Variants in ATP2B2 observed in about 807,000 individuals in gnomAD.
The protein encoded by ATP2B2 is plasma membrane calcium-transporting ATPase 2.
ATP2B2 carries 15 observed loss-of-function variants against 120.0 expected under a neutral mutation model. That is an observed-to-expected ratio of 0.12 (90% confidence interval 0.08 to 0.19). ATP2B2 has a LOEUF of 0.19. Ranked by LOEUF, ATP2B2 falls within the 10% of genes least tolerant of loss-of-function variation. The pLI is 1.00. For synonymous variants in ATP2B2, 694 were observed against 700.3 expected (o/e 0.99, Z 0.14); for missense variants, 1,045 against 1,719.8 (o/e 0.61, Z 6.94).
intron 2 of ATP2B2, among the ~76,000 whole-genome samples, chr3:10,554,157 T>G (rs949634663): frequency 6.6e-6 from 1 of 152,140 alleles, no homozygotes; most frequent in East Asian, 1.9e-4. Flanking sequence ...CTTGACCCTT[T>G]GTAACCCACC....
At position 10,329,224 on chromosome 3, in the gene ATP2B2, G is replaced by A; in HGVS notation, c.3421-99C>T. The A allele has an allele frequency of 8.4e-7, 1 of 1,196,704 alleles. No homozygotes were observed. The highest frequency in any genetic ancestry group is 1.2e-6 in the Non-Finnish European group (1 of 816,964). 74.1% of individuals were successfully genotyped at this position (1,196,704 alleles called of 1,614,324 possible). A position where few individuals can be genotyped will look rare whatever the true frequency, so the allele number is the denominator to read the frequency against. On this transcript the variant is annotated intron_variant, in intron 22 of 22. Transcript: ENST00000360273. The surrounding 1 kb of genome is among the most constrained non-coding windows in gnomAD (Gnocchi z 5.9). The stretch of plus-strand genomic sequence containing the variant: ...CGGGTGGGAGAAGGGTTAGGGCAAA[G>A]CAGGTGGCTGGAATCCATAGTCGCT...
intron 1 of ATP2B2, among the ~76,000 whole-genome samples, chr3:10,639,766 T>G (rs1317325746): frequency 6.6e-6 from 1 of 152,082 alleles, no homozygotes; most frequent in Non-Finnish European, 1.5e-5. Context: ...GGCAGAGGCC[T>G]CAAATCAGAA....
At chr3:10,452,198 C>T (rs957890209) in intron 1 of ATP2B2, among the ~76,000 whole-genome samples, 6 of 152,236 alleles carry the variant, frequency 3.9e-5, no homozygotes, top group African/African-American at 1.2e-4. Context: ...ATCTTTTCAA[C>T]CTTAGACTTT....
chr3:10,695,401 G>T (rs926234944), intron 1 of ATP2B2, among the ~76,000 whole-genome samples: 10 of 152,004 alleles, frequency 6.6e-5, no homozygotes, highest in Non-Finnish European at 1.2e-4. Flanking sequence ...CCTCCCACCG[G>T]GTCCCTCCCA....
intron 3 of ATP2B2, among the ~76,000 whole-genome samples, chr3:10,531,510 A>T (rs1161185798): frequency 6.6e-6 from 1 of 152,330 alleles, no homozygotes; most frequent in Non-Finnish European, 1.5e-5. Flanking sequence ...GGCTGTTGTG[A>T]GGACTAAATG....
rs147518410 is a variant in ATP2B2, at chr3:10,678,517, C to T, written c.-460+29398G>A. Reference sequence around the variant, plus strand: ...GATGCTGGCCCTGGCTTCTGGGGGCCCAGGTCTAACCAAGAAAATGGCCCT... The same window carrying T: ...GATGCTGGCCCTGGCTTCTGGGGGCTCAGGTCTAACCAAGAAAATGGCCCT... On this transcript the variant is annotated intron_variant, in intron 1 of 21. Transcript: ENST00000646379. Among the ~76,000 whole-genome samples, 473 of 152,228 alleles carry T rather than the reference C, an allele frequency of 3.1e-3. 2 individuals carry two copies. Among genetic ancestry groups the T allele is most frequent in the African/African-American group, 0.011 (446 of 41,550 alleles).
chr3:10,408,305 G>A (rs922783982), intron 3 of ATP2B2, among the ~76,000 whole-genome samples: 1 of 152,194 alleles, frequency 6.6e-6, no homozygotes, highest in African/African-American at 2.4e-5. Context: ...CAACTTCCCT[G>A]GTGAAACTGA....
intron 1 of ATP2B2, among the ~76,000 whole-genome samples, chr3:10,673,567 A>G (rs1319949384): frequency 6.6e-6 from 1 of 152,080 alleles, no homozygotes; most frequent in Admixed American, 6.6e-5. Flanking sequence ...TGGGAGGCTG[A>G]GGCAAGAGGA....
upstream of ATP2B2, among the ~76,000 whole-genome samples, chr3:10,508,266 T>A (rs1238105479): frequency 6.6e-6 from 1 of 152,242 alleles, no homozygotes; most frequent in African/African-American, 2.4e-5. Context: ...ATACCCCAGT[T>A]CTAGGCCCAC....
At chr3:10,665,386 C>T (rs1199093809) in intron 1 of ATP2B2, among the ~76,000 whole-genome samples, 1 of 152,168 alleles carries the variant, frequency 6.6e-6, no homozygotes, top group Non-Finnish European at 1.5e-5. Context: ...CCTGAGCATG[C>T]TGGCTGGGCT....
chr3:10,386,200 T>C (rs1490961420), intron 7 of ATP2B2, among the ~76,000 whole-genome samples: 1 of 152,224 alleles, frequency 6.6e-6, no homozygotes. Context: ...CTTTGCATGC[T>C]GGTACGCAGG....
chr3:10,434,076 T>C (rs1380341111), intron 2 of ATP2B2, among the ~76,000 whole-genome samples: 1 of 152,058 alleles, frequency 6.6e-6, no homozygotes, highest in African/African-American at 2.4e-5. Flanking sequence ...ATGAATGCAG[T>C]GATTCTCAGC....
Position 10,371,827 on chromosome 3 carries a change from G to A in ATP2B2, c.1641C>T (p.Ala547=), listed in dbSNP as rs1559242588. ...CACTTACCAGAATCTTGGTGGTGTA[G>A]GCGCTGTTGATGGCGATGGCATTGA... ...LLINAIAINS[A]YTTKILPPEK... Residue 547 remains alanine, a synonymous_variant, in exon 12 of 23, where the codon GCC becomes GCT. Coordinates refer to ENST00000360273, the MANE Select transcript of ATP2B2 (RefSeq NM_001001331.4). 1 of 1,614,048 alleles carries A rather than the reference G, an allele frequency of 6.2e-7. No homozygotes were observed. Among genetic ancestry groups the A allele is most frequent in the Non-Finnish European group, 8.5e-7 (1 of 1,180,042 alleles).
Position 10,410,794 on chromosome 3 carries a change from T to G in ATP2B2, c.221A>C (p.Asp74Ala), listed in dbSNP as rs1202494397. 1.2e-6 allele frequency: 2 copies of G among 1,613,878 alleles called. No homozygotes were observed. Among genetic ancestry groups the G allele is most frequent in the Non-Finnish European group, 1.7e-6 (2 of 1,180,032 alleles). ...PVEGLPGTAP[D>A]LEKRKQIFGQ... Reference sequence around the variant, plus strand: ...AAAAATTTGCTTTCTCTTTTCCAGGTCTGGAGCGGTGCCCGGCAAACCTGT... The same window carrying G: ...AAAAATTTGCTTTCTCTTTTCCAGGGCTGGAGCGGTGCCCGGCAAACCTGT... The change falls in exon 3 of 23, where the codon GAC becomes GCC. Residue 74 changes from aspartate (D) to alanine (A), a missense_variant. Physicochemically the swap from Asp to Ala is moderately radical, Grantham distance 126. This residue lies in a region of ATP2B2 where 139 missense variants were observed against 134.2 expected (regional missense o/e 1.04). Coordinates refer to ENST00000360273, the MANE Select transcript of ATP2B2 (RefSeq NM_001001331.4).
intron 5 of ATP2B2, among the ~76,000 whole-genome samples, chr3:10,397,099 C>T (rs534963408): frequency 3.9e-5 from 6 of 152,324 alleles, no homozygotes; most frequent in East Asian, 1.9e-4. Flanking sequence ...ACAGCAAGTT[C>T]GCTTGAGAGC....
intron 1 of ATP2B2, among the ~76,000 whole-genome samples, chr3:10,673,779 C>T (rs1246240701): frequency 1.8e-4 from 19 of 108,366 alleles, no homozygotes; most frequent in African/African-American, 5.9e-4. Flanking sequence ...CGCACTCTAG[C>T]GTGGGTGACA....
At chr3:10,504,929 G>A (rs2066556840) in intron 1 of ATP2B2, among the ~76,000 whole-genome samples, 1 of 152,086 alleles carries the variant, frequency 6.6e-6, no homozygotes, top group Admixed American at 6.5e-5. Flanking sequence ...GACCCAATGA[G>A]TCCCAGCACA....
chr3:10,658,600 G>A (rs2125676289), intron 1 of ATP2B2, among the ~76,000 whole-genome samples: 1 of 152,268 alleles, frequency 6.6e-6, no homozygotes, highest in East Asian at 1.9e-4. Context: ...TATGTGAAAA[G>A]ACCAAATCTA....
Position 10,338,283 on chromosome 3 carries a change from G to A in ATP2B2, c.3313C>T (p.Pro1105Ser). ...AGRLTQKEEIPEEELNEDVEE... is the reference protein window; with the variant it reads ...AGRLTQKEEISEEELNEDVEE... ...ACGTCCTCGTTGAGCTCCTCCTCCG[G>A]GATCTCCTCCTTCTGTGTGAGCCTG... Residue 1105 changes from proline to serine, a missense_variant, in exon 22 of 23, where the codon CCG (proline) becomes TCG (serine). By Grantham distance (74) the Pro-to-Ser change is moderately conservative (BLOSUM62 -1). Transcript: ENST00000360273. 1 of 1,614,162 alleles carries A rather than the reference G, an allele frequency of 6.2e-7. No homozygotes were observed. Among genetic ancestry groups the A allele is most frequent in the Non-Finnish European group, 8.5e-7 (1 of 1,180,036 alleles).
Sources: allele counts gnomAD v4.1 joint callset (sites outside exome capture counted in the v4.1 genomes callset), GRCh38; gene constraint gnomAD v4.1.1; regional missense constraint gnomAD v4.1.1; non-coding constraint Gnocchi (gnomAD v3.1); transcripts MANE v1.5; gene names NCBI Gene and HGNC (gene_info 2026-07-23, HGNC 2026-07-21).